The following ARL15 variants were observed in gnomAD, a reference collection of about 807,000 sequenced individuals.
ARL15 encodes ARF like GTPase 15.
In ARL15, 19 loss-of-function variants were observed where a neutral mutation model predicts 25.2. The ratio of observed to expected loss-of-function variants is 0.75; its 90% CI spans 0.53 to 1.10. The LOEUF is 1.10. Among genes scored for constraint, ARL15 ranks in the 50% least tolerant of loss-of-function variants. The probability of loss-of-function intolerance (pLI) is 0.00; values close to 1 mark genes in which losing one functional copy is unlikely to be tolerated. For missense variants in ARL15, 220 were observed against 246.0 expected (o/e 0.89, Z 0.71); for synonymous variants, 94 against 86.8 (o/e 1.08, Z -0.46).
intron 4 of ARL15, among the ~76,000 whole-genome samples, chr5:53,932,156 A>G (rs1746210949): frequency 6.6e-6 from 1 of 152,242 alleles, no homozygotes; most frequent in African/African-American, 2.4e-5. Context: ...TTGCTACATT[A>G]CAGAAAAATC....
At chr5:54,057,718 A>C (rs1750923631) in intron 4 of ARL15, among the ~76,000 whole-genome samples, 1 of 151,956 alleles carries the variant, frequency 6.6e-6, no homozygotes, top group South Asian at 2.1e-4. Context: ...GGTGGCATGC[A>C]CCTGGAGCTA....
At chr5:54,047,748 T>C (rs1750568863) in intron 4 of ARL15, among the ~76,000 whole-genome samples, 2 of 152,230 alleles carry the variant, frequency 1.3e-5, no homozygotes, top group South Asian at 2.1e-4. Flanking sequence ...TCTTCCACGG[T>C]TGAAGACCAT....
At chr5:54,035,225 T>G (rs2111915973) in intron 4 of ARL15, among the ~76,000 whole-genome samples, 1 of 152,278 alleles carries the variant, frequency 6.6e-6, no homozygotes, top group East Asian at 1.9e-4. Context: ...GCTCACAAGT[T>G]TGTTAAACTC....
At chr5:54,177,292 C>T (rs1754905682) in intron 1 of ARL15, among the ~76,000 whole-genome samples, 1 of 152,142 alleles carries the variant, frequency 6.6e-6, no homozygotes, top group African/African-American at 2.4e-5. Context: ...ACCAGAATCA[C>T]CAGTAATAAC....
chr5:53,964,595 C>A (rs890211472), intron 4 of ARL15, among the ~76,000 whole-genome samples: 3 of 152,108 alleles, frequency 2.0e-5, no homozygotes, highest in Non-Finnish European at 4.4e-5. Flanking sequence ...CTCCTGACCT[C>A]GTGATCCGCC....
chr5:54,163,650 G>C (rs979046033), intron 2 of ARL15, among the ~76,000 whole-genome samples: 10 of 151,732 alleles, frequency 6.6e-5, no homozygotes, highest in Non-Finnish European at 1.3e-4. Flanking sequence ...GTCCTTCAAG[G>C]AAATTGTCCA....
At chr5:54,218,594 C>T (rs1289840403) in intron 1 of ARL15, among the ~76,000 whole-genome samples, 3 of 152,080 alleles carry the variant, frequency 2.0e-5, no homozygotes, top group Non-Finnish European at 2.9e-5. Context: ...ACTGGATTCC[C>T]GCGGTAGCAT....
intron 4 of ARL15, among the ~76,000 whole-genome samples, chr5:54,048,884 A>T (rs1750617456): frequency 6.6e-6 from 1 of 151,620 alleles, no homozygotes; most frequent in Non-Finnish European, 1.5e-5. Context: ...ACTGTGGCCC[A>T]CCAGTCAGAG....
At chr5:54,283,109 T>G (rs755232749) in intron 1 of ARL15, among the ~76,000 whole-genome samples, 35 of 152,342 alleles carry the variant, frequency 2.3e-4, no homozygotes, top group Middle Eastern at 3.4e-3. Context: ...ATGTCATAAA[T>G]CTCAGCAATC....
chr5:54,245,772 G>A (rs1347756188), intron 1 of ARL15, among the ~76,000 whole-genome samples: 1 of 152,058 alleles, frequency 6.6e-6, no homozygotes, highest in Non-Finnish European at 1.5e-5. Context: ...ATTTATAGTA[G>A]AGCCGAGGGT....
chr5:54,263,732 T>C (rs1402305968), intron 1 of ARL15, among the ~76,000 whole-genome samples: 1 of 152,130 alleles, frequency 6.6e-6, no homozygotes, highest in Non-Finnish European at 1.5e-5. Flanking sequence ...GCAACAGGGA[T>C]AGAGCAGTGA....
At chr5:54,301,118 T>G (rs1189917135) in intron 1 of ARL15, among the ~76,000 whole-genome samples, 1 of 152,216 alleles carries the variant, frequency 6.6e-6, no homozygotes, top group Non-Finnish European at 1.5e-5. Flanking sequence ...CTAGGTTAGG[T>G]TGCCTTTCAT....
chr5:53,929,994 A>G (rs1746150670), intron 4 of ARL15, among the ~76,000 whole-genome samples: 1 of 152,226 alleles, frequency 6.6e-6, no homozygotes. Context: ...TATATTAAAC[A>G]CTAATGAGAA....
At chr5:54,212,637 A>G (rs1756076222) in intron 1 of ARL15, among the ~76,000 whole-genome samples, 1 of 152,224 alleles carries the variant, frequency 6.6e-6, no homozygotes, top group African/African-American at 2.4e-5. Flanking sequence ...TTGGGTGTAC[A>G]ATGAACAGTG....
At chr5:54,080,566 T>C (rs1751766982) in intron 4 of ARL15, among the ~76,000 whole-genome samples, 2 of 152,238 alleles carry the variant, frequency 1.3e-5, no homozygotes, top group Admixed American at 1.3e-4. Context: ...TTTGTGTTTT[T>C]AGATTTTAAC....
chr5:54,229,377 G>C (rs1158681296), intron 1 of ARL15, among the ~76,000 whole-genome samples: 1 of 152,248 alleles, frequency 6.6e-6, no homozygotes, highest in East Asian at 1.9e-4. Context: ...TGGCTGGTGG[G>C]GTGAAGGACA....
At chr5:54,277,544 G>A (rs960927089) in intron 1 of ARL15, among the ~76,000 whole-genome samples, 2 of 152,210 alleles carry the variant, frequency 1.3e-5, no homozygotes, top group Non-Finnish European at 2.9e-5. Context: ...GAGGTCAGGA[G>A]ATTGAGACCA....
intron 4 of ARL15, among the ~76,000 whole-genome samples, chr5:54,016,467 T>C (rs1156330503): frequency 1.3e-5 from 2 of 152,104 alleles, no homozygotes; most frequent in Non-Finnish European, 2.9e-5. Context: ...GCTTTAACAC[T>C]CTGCTGTCAC....
intron 4 of ARL15, among the ~76,000 whole-genome samples, chr5:54,065,802 C>T (rs1001970568): frequency 5.9e-5 from 9 of 152,138 alleles, no homozygotes; most frequent in African/African-American, 2.2e-4. Flanking sequence ...TAAAACCTCT[C>T]ATTAATAATT....
Sources: allele counts gnomAD v4.1 joint callset (sites outside exome capture counted in the v4.1 genomes callset), GRCh38; gene constraint gnomAD v4.1.1; transcripts MANE v1.5; gene names NCBI Gene and HGNC (gene_info 2026-07-23, HGNC 2026-07-21).